The following MAGI2 variants were observed in gnomAD, a reference collection of about 807,000 sequenced individuals.
MAGI2 encodes membrane-associated guanylate kinase, WW and PDZ domain-containing protein 2.
In MAGI2, 35 loss-of-function variants were observed where a neutral mutation model predicts 133.3. That is an observed-to-expected ratio of 0.26 (90% confidence interval 0.20 to 0.35). The LOEUF (loss-of-function observed/expected upper bound fraction) is 0.35. Ranked by LOEUF, MAGI2 falls within the 10% of genes least tolerant of loss-of-function variation. MAGI2 has a pLI of 1.00. For missense variants in MAGI2, 1,636 were observed against 1,863.4 expected, an observed-to-expected ratio of 0.88 and a Z score of 2.25; for synonymous variants, 729 against 710.6, an observed-to-expected ratio of 1.03 and a Z score of -0.41.
intron 1 of MAGI2, among the ~76,000 whole-genome samples, chr7:79,227,152 T>C (rs576778609): frequency 2.0e-5 from 3 of 152,222 alleles, no homozygotes; most frequent in Non-Finnish European, 2.9e-5. Context: ...GTATGAGTGT[T>C]CTTTCATGCA....
intron 10 of MAGI2, among the ~76,000 whole-genome samples, chr7:78,240,130 T>C (rs11763410): frequency 0.31 from 46,671 of 152,122 alleles, 7,913 homozygotes; most frequent in Admixed American, 0.37. Flanking sequence ...CTATCCCTCC[T>C]TCAGCCTCCT....
intron 2 of MAGI2, among the ~76,000 whole-genome samples, chr7:78,707,160 T>C (rs1363672770): frequency 6.6e-6 from 1 of 152,146 alleles, no homozygotes; most frequent in Non-Finnish European, 1.5e-5. Flanking sequence ...TTTTGAGGAC[T>C]GTTAGTGAAT....
intron 21 of MAGI2, among the ~76,000 whole-genome samples, chr7:78,055,093 C>A (rs1812428086): frequency 6.6e-6 from 1 of 152,102 alleles, no homozygotes; most frequent in African/African-American, 2.4e-5. Flanking sequence ...TGAGGTGATA[C>A]CTCATTGTGA....
intron 6 of MAGI2, among the ~76,000 whole-genome samples, chr7:78,456,235 G>T (rs1054110832): frequency 2.3e-4 from 35 of 152,126 alleles, no homozygotes; most frequent in Middle Eastern, 6.8e-3. Flanking sequence ...TGTTGTTATT[G>T]GTGGTGTGGC....
chr7:79,441,146 C>A (rs1485393366), intron 1 of MAGI2, among the ~76,000 whole-genome samples: 1 of 152,178 alleles, frequency 6.6e-6, no homozygotes, highest in Non-Finnish European at 1.5e-5. Flanking sequence ...CGGTCTGAGG[C>A]CATCCTGATA....
chr7:78,200,319 C>G (rs1290864120), intron 11 of MAGI2, among the ~76,000 whole-genome samples: 1 of 152,200 alleles, frequency 6.6e-6, no homozygotes, highest in Non-Finnish European at 1.5e-5. Flanking sequence ...TAGTTTCAAT[C>G]TATCTGCAAG....
chr7:79,288,797 A>G (rs190536421), intron 1 of MAGI2, among the ~76,000 whole-genome samples: 83 of 152,302 alleles, frequency 5.4e-4, no homozygotes, highest in Admixed American at 4.2e-3. Flanking sequence ...CAGCTACACT[A>G]CAGCTGTGGC....
At chr7:78,602,770 A>G (rs1486436136) in intron 3 of MAGI2, among the ~76,000 whole-genome samples, 1 of 152,240 alleles carries the variant, frequency 6.6e-6, no homozygotes, top group Non-Finnish European at 1.5e-5. Context: ...ATGATCATTT[A>G]AATAGAAAAA....
At chr7:79,307,190 G>A (rs996996923) in intron 1 of MAGI2, among the ~76,000 whole-genome samples, 17 of 152,118 alleles carry the variant, frequency 1.1e-4, no homozygotes, top group South Asian at 6.2e-4. Context: ...GTGGTACCAC[G>A]CAGTGCCTTA....
intron 9 of MAGI2, among the ~76,000 whole-genome samples, chr7:78,327,374 C>G (rs1425046966): frequency 6.6e-6 from 1 of 152,248 alleles, no homozygotes; most frequent in Non-Finnish European, 1.5e-5. Context: ...AGCGAGTCCA[C>G]TGCCTGAGCA....
chr7:79,269,523 A>T (rs1320808629), intron 1 of MAGI2, among the ~76,000 whole-genome samples: 1 of 152,210 alleles, frequency 6.6e-6, no homozygotes, highest in Non-Finnish European at 1.5e-5. Context: ...AATATACTTC[A>T]GGCTTATCAC....
At chr7:79,182,585 T>C (rs1201602250) in intron 1 of MAGI2, among the ~76,000 whole-genome samples, 1 of 151,850 alleles carries the variant, frequency 6.6e-6, no homozygotes, top group Non-Finnish European at 1.5e-5. Context: ...ACACTATTAG[T>C]GGAAATGCAA....
At chr7:78,629,629 A>T (rs764323254) in intron 2 of MAGI2, among the ~76,000 whole-genome samples, 24 of 152,300 alleles carry the variant, frequency 1.6e-4, no homozygotes, top group Non-Finnish European at 2.5e-4. Context: ...AAAAAAACAA[A>T]AACTTTCTCT....
At chr7:78,710,767 G>C (rs1022163816) in intron 2 of MAGI2, among the ~76,000 whole-genome samples, 4 of 152,080 alleles carry the variant, frequency 2.6e-5, no homozygotes, top group Non-Finnish European at 4.4e-5. Context: ...AGAGTCATAT[G>C]GTTTGTCAAT....
chr7:79,071,750 T>C (rs1455075252), intron 1 of MAGI2, among the ~76,000 whole-genome samples: 2 of 152,080 alleles, frequency 1.3e-5, no homozygotes, highest in African/African-American at 4.8e-5. Context: ...CTGGTGGCTT[T>C]GTTTACACTG....
intron 1 of MAGI2, chr7:79,414,556 A>G (rs922751435): frequency 2.0e-5 from 3 of 152,082 alleles, no homozygotes; most frequent in Non-Finnish European, 4.4e-5. Context: ...CCATTTTGCA[A>G]ATGGATCTAT....
intron 1 of MAGI2, among the ~76,000 whole-genome samples, chr7:79,017,772 G>T (rs1808884268): frequency 1.3e-5 from 2 of 152,076 alleles, no homozygotes; most frequent in African/African-American, 2.4e-5. Context: ...CATGGTAGAA[G>T]AATTTCATAA....
rs897959381 is a variant in MAGI2 at position 78,439,751 on chromosome 7, C to A, written c.1045+50010G>T. On this transcript the variant is annotated intron_variant, in intron 6 of 21. Coordinates refer to ENST00000354212, the MANE Select transcript of MAGI2 (RefSeq NM_012301.4). ...TATTAAGATATTTTCACCCGAATTG[C>A]TTACATACCCTAACCTCACTGTGAG... is the stretch of plus-strand genomic sequence containing the variant. Among the ~76,000 whole-genome samples, 11 of 152,148 alleles carry A rather than the reference C, an allele frequency of 7.2e-5. No individual in the cohort carries two copies. The South Asian group carries it at 1.0e-3, about 14-fold the overall frequency.
chr7:79,260,034 C>G (rs1443193287), intron 1 of MAGI2, among the ~76,000 whole-genome samples: 2 of 152,288 alleles, frequency 1.3e-5, no homozygotes, highest in African/African-American at 4.8e-5. Flanking sequence ...TGTATTTAAA[C>G]ATGAAATACA....
Sources: allele counts gnomAD v4.1 joint callset (sites outside exome capture counted in the v4.1 genomes callset), GRCh38; gene constraint gnomAD v4.1.1; transcripts MANE v1.5; gene names NCBI Gene and HGNC (gene_info 2026-07-23, HGNC 2026-07-21).